Variants in DDX31 observed in about 807,000 individuals in gnomAD.
DDX31 encodes the protein DEAD-box helicase 31, also known as ATP-dependent DNA helicase DDX31.
A neutral mutation model predicts 91.3 loss-of-function variants in DDX31; 70 were observed. The ratio of observed to expected loss-of-function variants is 0.77; its 90% CI spans 0.63 to 0.94. DDX31 has a LOEUF of 0.94. Among genes scored for constraint, DDX31 ranks in the 40% least tolerant of loss-of-function variants. The pLI is 0.00. For synonymous variants in DDX31, 362 were observed against 350.6 expected (o/e 1.03, Z -0.36); for missense variants, 902 against 925.0 (o/e 0.98, Z 0.32).
intron 6 of DDX31, among the ~76,000 whole-genome samples, chr9:132,657,195 T>C (rs143370069): frequency 5.9e-5 from 9 of 152,358 alleles, no homozygotes; most frequent in Non-Finnish European, 1.0e-4. Context: ...CTTGGTTCCA[T>C]CTCTGGATGA....
intron 17 of DDX31, among the ~76,000 whole-genome samples, 195 bp downstream of exon 17, chr9:132,625,469 G>C (rs771069545): frequency 6.6e-6 from 1 of 151,472 alleles, no homozygotes; most frequent in Non-Finnish European, 1.5e-5. Flanking sequence ...CGCTAGATGA[G>C]AGTGGCAAAC....
intron 14 of DDX31, among the ~76,000 whole-genome samples, chr9:132,641,202 T>A (rs1214700745): frequency 6.6e-6 from 1 of 152,228 alleles, no homozygotes; most frequent in Non-Finnish European, 1.5e-5. Flanking sequence ...AAAAAGTAAT[T>A]GCATCAAATG....
intron 4 of DDX31, among the ~76,000 whole-genome samples, chr9:132,660,708 T>C (rs1834880298): frequency 1.3e-5 from 2 of 152,178 alleles, no homozygotes; most frequent in Admixed American, 6.5e-5. Flanking sequence ...ATTATGAAAA[T>C]GCACAGAAGC....
Position 132,594,981 on chromosome 9 carries a change from C to G in DDX31, c.2126G>C (p.Arg709Pro). Residue 709 changes from arginine to proline, a missense_variant, in exon 20 of 20, where the codon CGG becomes CCG. Coordinates refer to ENST00000372159, the MANE Select transcript of DDX31 (RefSeq NM_022779.9). ...CGGCTGCAGACTGTGCTGCAGGGGC[C>G]GGCCACCAGGCTCTCCAGGTGCGTT... is the stretch of plus-strand genomic sequence containing the variant. ...KQNAPGEPGG[R>P]PLQHSLQPTP... The G allele has an allele frequency of 4.3e-6, 7 of 1,614,170 alleles. No individual in the cohort carries two copies. The highest frequency in any genetic ancestry group is 3.4e-6 in the Non-Finnish European group (4 of 1,180,036).
intron 17 of DDX31, among the ~76,000 whole-genome samples, chr9:132,618,981 T>G (rs962361600): frequency 1.3e-5 from 2 of 152,304 alleles, no homozygotes; most frequent in South Asian, 4.1e-4. Flanking sequence ...GTTTCAAATT[T>G]ATTCCTCCAG....
chr9:132,638,952 G>A (rs1050349725), intron 14 of DDX31, among the ~76,000 whole-genome samples: 5 of 152,092 alleles, frequency 3.3e-5, no homozygotes, highest in Admixed American at 2.6e-4. Context: ...TATAAAGGGG[G>A]GAAAATCCCC....
intron 5 of DDX31, 94 bp downstream of exon 5, chr9:132,659,616 C>A: frequency 3.2e-6 from 4 of 1,269,498 alleles, no homozygotes; most frequent in Non-Finnish European, 4.4e-6. Flanking sequence ...AACAAAACTG[C>A]CACCACCACC....
rs115571574 is a variant in DDX31, at chr9:132,644,537, T to C, written c.1380+1358A>G. ...AGGGTGCCCCCAGAGGGCACAGCTA[T>C]AAACAGCACGCTAGACTACTCCCCT... On this transcript the variant is annotated intron_variant, in intron 13 of 19. Transcript: ENST00000372159. Among the ~76,000 whole-genome samples, 1,033 of 152,292 alleles carry C rather than the reference T, an allele frequency of 6.8e-3. 13 individuals carry two copies. The highest frequency in any genetic ancestry group is 0.024 in the African/African-American group (984 of 41,572).
intron 6 of DDX31, among the ~76,000 whole-genome samples, chr9:132,656,033 A>G (rs1449415617): frequency 6.6e-6 from 1 of 152,212 alleles, no homozygotes; most frequent in Non-Finnish European, 1.5e-5. Flanking sequence ...GTTACTACAT[A>G]GAGAAGAAGA....
At chr9:132,630,212 G>C (rs1037654063) in intron 16 of DDX31, 52 bp downstream of exon 16, 52 of 1,506,316 alleles carry the variant, frequency 3.5e-5, no homozygotes, top group Non-Finnish European at 4.4e-5. Context: ...AAAAGCGACA[G>C]AAAGTTAATT....
rs1834997539 is a variant in DDX31, at chr9:132,662,133, A to G, written c.408+128T>C. Reference sequence around the variant, plus strand: ...AAGAGTATCATATCAATCTGAGTTCATTCAGGTAACTTAGAGCAGAAACAA... The same window carrying G: ...AAGAGTATCATATCAATCTGAGTTCGTTCAGGTAACTTAGAGCAGAAACAA... On this transcript the variant is annotated intron_variant, in intron 3 of 19. Transcript: ENST00000372159. 5.6e-6 allele frequency: 5 copies of G among 896,124 alleles called. No homozygotes were observed. In the South Asian group the frequency reaches 6.5e-5, roughly 12 times the overall value. The allele number at this position is 896,124 out of a possible 1,614,324, so 55.5% of individuals were successfully genotyped here. A position where few individuals can be genotyped will look rare whatever the true frequency, so the allele number is the denominator to read the frequency against.
At position 132,595,117 on chromosome 9, in the gene DDX31, A is replaced by C. The variant is rs1406650980; in HGVS notation, c.1995-5T>G. On this transcript the variant is annotated splice_polypyrimidine_tract_variant and splice_region_variant and intron_variant, in intron 19 of 19. Coordinates refer to ENST00000372159, the MANE Select transcript of DDX31 (RefSeq NM_022779.9). This position sits in a 1 kb window ranked among gnomAD's most constrained non-coding sequence, Gnocchi z 4.6. ...GTCTTCTTATGAAGGTCAGGCCTGA[A>C]GAACAGTAACAGCAGAGAGGGAAAA... 1 of 1,612,004 alleles carries C rather than the reference A, an allele frequency of 6.2e-7. No homozygotes were observed. Among genetic ancestry groups the C allele is most frequent in the Non-Finnish European group, 8.5e-7 (1 of 1,178,314 alleles).
intron 18 of DDX31, 136 bp downstream of exon 18, chr9:132,618,194 G>A: frequency 5.1e-6 from 3 of 593,138 alleles, no homozygotes; most frequent in Non-Finnish European, 8.6e-6. Flanking sequence ...GCAGAATTAT[G>A]GAGATTGAAG....
chr9:132,650,963 G>C, intron 8 of DDX31, 112 bp downstream of exon 8: 1 of 1,134,218 alleles, frequency 8.8e-7, no homozygotes. Flanking sequence ...GAGATATCCA[G>C]GCAAAAGGAA....
intron 14 of DDX31, chr9:132,638,331 G>T: frequency 6.2e-7 from 1 of 1,614,072 alleles, no homozygotes; most frequent in Non-Finnish European, 8.5e-7. Context: ...TAAAAGCAAG[G>T]TTCCTTTCCT....
Position 132,669,944 on chromosome 9 carries a change from GGGTGACGCGTGGTGCAGCAGCGAGCCC to G in DDX31, c.-37_-11del. 6.3e-7 allele frequency: 1 copy of G among 1,588,214 alleles called. No individual in the cohort carries two copies. The highest frequency in any genetic ancestry group is 1.1e-5 in the South Asian group (1 of 87,310). On this transcript the variant is annotated 5_prime_UTR_variant, in exon 1 of 20. Coordinates refer to ENST00000372159, the MANE Select transcript of DDX31 (RefSeq NM_022779.9). ...CGTCGGCGGCTGCCATGGTCTGCGTGGGTGACGCGTGGTGCAGCAGCGAGCCCGGTGCGCAGACTGCTGGGCCCGGGA... is the reference window on the plus strand; with the variant it reads ...CGTCGGCGGCTGCCATGGTCTGCGTGGGTGCGCAGACTGCTGGGCCCGGGA...
In DDX31 at chr9:132,623,329, G is replaced by A. The variant is rs181694732; in HGVS notation, c.1713+2335C>T. On this transcript the variant is annotated intron_variant, in intron 17 of 19. Transcript: ENST00000372159. ...TCCCAGCACTTTGGGAGGCTGAGGC[G>A]GGCGGATCACAAAGTCAAGAGATTG... Among the ~76,000 whole-genome samples the A allele has an allele frequency of 2.1e-3, 320 of 151,756 alleles. 3 individuals are homozygous for A. Among genetic ancestry groups the A allele is most frequent in the African/African-American group, 7.3e-3 (301 of 41,408 alleles).
intron 14 of DDX31, chr9:132,638,029 G>T: frequency 1.7e-6 from 2 of 1,151,996 alleles, no homozygotes; most frequent in Non-Finnish European, 1.1e-6. Context: ...AAAAAAATAC[G>T]GAGAAGGTGG....
At chr9:132,617,885 G>A (rs1831745918) in intron 18 of DDX31, among the ~76,000 whole-genome samples, 1 of 152,120 alleles carries the variant, frequency 6.6e-6, no homozygotes, top group South Asian at 2.1e-4. Context: ...CTCTTCCTCA[G>A]TACTGTTCTT....
Sources: gnomAD v4.1 joint callset for allele counts (sites outside exome capture counted in the v4.1 genomes callset) on GRCh38, gnomAD v4.1.1 for gene constraint, Gnocchi (gnomAD v3.1) non-coding constraint, MANE v1.5 for transcripts, NCBI Gene and HGNC (gene_info 2026-07-23, HGNC 2026-07-21) for gene names.